Variants in MEGF10 observed in about 807,000 individuals in gnomAD.
The protein encoded by MEGF10 is multiple epidermal growth factor-like domains protein 10.
MEGF10 carries 86 observed loss-of-function variants against 147.5 expected under a neutral mutation model. The ratio of observed to expected loss-of-function variants is 0.58; its 90% CI spans 0.49 to 0.70. The LOEUF is 0.70. Among genes scored for constraint, MEGF10 ranks in the 30% least tolerant of loss-of-function variants. MEGF10 has a pLI of 0.00. For synonymous variants in MEGF10, 478 were observed against 525.5 expected (o/e 0.91, Z 1.24); for missense variants, 1,329 against 1,487.3 (o/e 0.89, Z 1.75).
intron 14 of MEGF10, 136 bp from the exon 15 acceptor site, chr5:127,434,551 G>A (rs1027216202): frequency 2.1e-6 from 2 of 964,786 alleles, no homozygotes; most frequent in Non-Finnish European, 2.9e-6. Flanking sequence ...TTTCTACTTG[G>A]AAAATTCTCC....
At chr5:127,366,872 C>A (rs1033428701) in intron 4 of MEGF10, among the ~76,000 whole-genome samples, 9 of 152,114 alleles carry the variant, frequency 5.9e-5, no homozygotes, top group African/African-American at 2.2e-4. Flanking sequence ...TACTTATTAT[C>A]TTTTTTGGAG....
chr5:127,284,426 T>A, the MEGF10 span, among the ~76,000 whole-genome samples: 1 of 151,996 alleles, frequency 6.6e-6, no homozygotes, highest in Non-Finnish European at 1.5e-5. Context: ...AAAAAGTGTT[T>A]AAACATAGCA....
the MEGF10 span, among the ~76,000 whole-genome samples, chr5:127,275,801 G>T: frequency 6.6e-6 from 1 of 152,140 alleles, no homozygotes; most frequent in Non-Finnish European, 1.5e-5. Context: ...AAAAATTCAA[G>T]GGATTGTTGA....
chr5:127,363,776 T>C (rs750929069), intron 4 of MEGF10, among the ~76,000 whole-genome samples: 2 of 152,134 alleles, frequency 1.3e-5, no homozygotes, highest in Non-Finnish European at 2.9e-5. Flanking sequence ...AGTTTTTGTA[T>C]TATTATTATT....
intron 5 of MEGF10, among the ~76,000 whole-genome samples, chr5:127,389,158 G>A (rs1763550632): frequency 6.6e-6 from 1 of 152,160 alleles, no homozygotes; most frequent in Non-Finnish European, 1.5e-5. Flanking sequence ...CTAGTTTTGG[G>A]ACATTTTACC....
At chr5:127,278,338 G>A in the MEGF10 span, among the ~76,000 whole-genome samples, 1 of 151,680 alleles carries the variant, frequency 6.6e-6, no homozygotes, top group African/African-American at 2.4e-5. Flanking sequence ...AAAAAAAAAA[G>A]AGAGCAGTAT....
Position 127,447,399 on chromosome 5 carries a change from G to A in MEGF10, c.2729-158G>A, listed in dbSNP as rs537419151. On this transcript the variant is annotated intron_variant, in intron 20 of 24. Transcript: ENST00000503335. ...TTACTGTGTTAGCCAGGATGGTCTC[G>A]ATCTCCTGACCTCGTCATCTGCCCG... Among the ~76,000 whole-genome samples the A allele has an allele frequency of 2.0e-5, 3 of 152,064 alleles. No individual in the cohort carries two copies. In the East Asian group the frequency reaches 5.8e-4, roughly 29 times the overall value.
chr5:127,268,130 C>G, the MEGF10 span, among the ~76,000 whole-genome samples: 10 of 152,064 alleles, frequency 6.6e-5, no homozygotes, highest in Non-Finnish European at 7.3e-5. Context: ...TCTTTGTTCT[C>G]ATTGGTTTCA....
intron 1 of MEGF10, among the ~76,000 whole-genome samples, chr5:127,325,029 G>C (rs1462074670): frequency 2.0e-5 from 3 of 152,174 alleles, no homozygotes; most frequent in Admixed American, 2.0e-4. Flanking sequence ...CTGACTTCCA[G>C]GGAGACATTT....
At chr5:127,269,763 C>A in the MEGF10 span, among the ~76,000 whole-genome samples, 1 of 152,022 alleles carries the variant, frequency 6.6e-6, no homozygotes, top group Non-Finnish European at 1.5e-5. Flanking sequence ...AGAAGAGCAA[C>A]TCCAAGATAC....
upstream of MEGF10, among the ~76,000 whole-genome samples, chr5:127,287,415 C>T (rs1169887094): frequency 6.6e-6 from 1 of 151,828 alleles, no homozygotes; most frequent in Non-Finnish European, 1.5e-5. Flanking sequence ...GGGTACTGCA[C>T]AAAATTCCAC....
At chr5:127,306,382 G>A (rs1760013072) in intron 1 of MEGF10, among the ~76,000 whole-genome samples, 1 of 152,154 alleles carries the variant, frequency 6.6e-6, no homozygotes, top group Admixed American at 6.5e-5. Flanking sequence ...CAAGCCAGGC[G>A]AGGTTTGTCA....
At chr5:127,308,602 C>G (rs1232771361) in intron 1 of MEGF10, among the ~76,000 whole-genome samples, 1 of 151,946 alleles carries the variant, frequency 6.6e-6, no homozygotes, top group Non-Finnish European at 1.5e-5. Context: ...TCTCAGCAAA[C>G]TATCGCAAGG....
intron 1 of MEGF10, among the ~76,000 whole-genome samples, chr5:127,327,432 A>G (rs1277245395): frequency 6.6e-6 from 1 of 152,188 alleles, no homozygotes; most frequent in Non-Finnish European, 1.5e-5. Context: ...GCAAATCACC[A>G]CTGCATTGCC....
chr5:127,328,506 C>G lies in MEGF10; in HGVS notation c.-18-2785C>G, dbSNP rs537638388. Among the ~76,000 whole-genome samples the G allele has an allele frequency of 2.0e-5, 3 of 152,272 alleles. No homozygotes were observed. In the South Asian group the frequency reaches 6.2e-4, roughly 32 times the overall value. ...AGAAGGTGGCCAAATTCTGCTTTTT[C>G]TCTGTCATCTCCTCTTCACAGGGCA... On this transcript the variant is annotated intron_variant, in intron 1 of 24. Coordinates refer to ENST00000503335, the MANE Select transcript of MEGF10 (RefSeq NM_001256545.2).
chr5:127,376,997 C>T (rs116425332), intron 5 of MEGF10, among the ~76,000 whole-genome samples: 528 of 152,136 alleles, frequency 3.5e-3, no homozygotes, highest in African/African-American at 0.012. Context: ...CAGATGACAC[C>T]GGACGATTAT....
the MEGF10 span, among the ~76,000 whole-genome samples, chr5:127,265,253 T>C: frequency 4.0e-5 from 6 of 150,890 alleles, no homozygotes; most frequent in Admixed American, 3.9e-4. Flanking sequence ...GAACTTATCC[T>C]TTTTTTTCTG....
chr5:127,275,516 G>C, the MEGF10 span, among the ~76,000 whole-genome samples: 5 of 152,204 alleles, frequency 3.3e-5, no homozygotes, highest in Non-Finnish European at 7.3e-5. Flanking sequence ...GGAGGCCCAT[G>C]CTATGCCTTC....
chr5:127,420,187 A>G lies in MEGF10; in HGVS notation c.1570A>G (p.Lys524Glu), dbSNP rs1210813818. 6.2e-7 allele frequency: 1 copy of G among 1,614,076 alleles called. No individual in the cohort carries two copies. Among genetic ancestry groups the G allele is most frequent in the African/African-American group, 1.3e-5 (1 of 75,026 alleles). The change falls in exon 12 of 25, where the codon AAA (lysine) becomes GAA (glutamate). Residue 524 changes from lysine to glutamate, a missense_variant. Physicochemically the swap from Lys to Glu is moderately conservative, Grantham distance 56. Around this residue, in one of 3 missense-constraint regions of MEGF10, gnomAD observed 980 missense variants for 1,085.9 expected, o/e 0.90. Coordinates refer to ENST00000503335, the MANE Select transcript of MEGF10 (RefSeq NM_001256545.2). ...CTCAPGWRGE[K>E]CELPCQDGTY... is the part of the protein sequence containing the mutation. ...GTGTGCACCTGGATGGCGCGGGGAG[A>G]AATGCGAACTTCCCTGCCAGGTATG...
Sources: allele counts gnomAD v4.1 joint callset (sites outside exome capture counted in the v4.1 genomes callset), GRCh38; gene constraint gnomAD v4.1.1; regional missense constraint gnomAD v4.1.1; transcripts MANE v1.5; gene names NCBI Gene and HGNC (gene_info 2026-07-23, HGNC 2026-07-21).